Variants in CDK19 observed in about 807,000 individuals in gnomAD.
CDK19 encodes cyclin-dependent kinase 19.
CDK19 carries 20 observed loss-of-function variants against 68.3 expected under a neutral mutation model. That is an observed-to-expected ratio of 0.29 (90% confidence interval 0.21 to 0.43). CDK19 has a LOEUF of 0.43. Among genes scored for constraint, CDK19 ranks in the 20% least tolerant of loss-of-function variants. CDK19 has a pLI of 1.00. For synonymous variants in CDK19, 221 were observed against 222.8 expected (o/e 0.99, Z 0.07); for missense variants, 339 against 623.5 (o/e 0.54, Z 4.86).
chr6:110,639,378 T>A (rs1042384331), intron 4 of CDK19, among the ~76,000 whole-genome samples: 2 of 152,010 alleles, frequency 1.3e-5, no homozygotes, highest in African/African-American at 4.8e-5. Context: ...AGAGAGTGAG[T>A]CTCCTTTGTA....
At chr6:110,796,332 TCAAA>T (rs917016037) in intron 1 of CDK19, among the ~76,000 whole-genome samples, 37 of 151,818 alleles carry the variant, frequency 2.4e-4, no homozygotes, top group Admixed American at 1.6e-3. Context: ...TGAGATTCCG[TCAAA>T]CAAACAAACA....
chr6:110,794,957 G>A (rs56833108), intron 1 of CDK19, among the ~76,000 whole-genome samples: 2,953 of 152,042 alleles, frequency 0.019, 99 homozygotes, highest in African/African-American at 0.068. Flanking sequence ...AATATTCCAA[G>A]GAAAACTTGC....
At chr6:110,718,652 A>C (rs953978838) in intron 2 of CDK19, among the ~76,000 whole-genome samples, 15 of 152,104 alleles carry the variant, frequency 9.9e-5, no homozygotes, top group African/African-American at 3.4e-4. Context: ...AAAAAAAAAA[A>C]AAAACCCTTC....
At chr6:110,728,522 A>G (rs1776512919) in intron 2 of CDK19, among the ~76,000 whole-genome samples, 1 of 150,878 alleles carries the variant, frequency 6.6e-6, no homozygotes, top group Non-Finnish European at 1.5e-5. Flanking sequence ...CTCTCCCTAC[A>G]TCTTCTCCTC....
At chr6:110,740,421 G>C (rs1000081896) in intron 2 of CDK19, among the ~76,000 whole-genome samples, 1 of 152,290 alleles carries the variant, frequency 6.6e-6, no homozygotes, top group East Asian at 1.9e-4. Context: ...ATAATGTAAA[G>C]TGTAAAGCAC....
intron 4 of CDK19, among the ~76,000 whole-genome samples, chr6:110,654,634 C>G (rs1017601801): frequency 6.6e-6 from 1 of 152,192 alleles, no homozygotes; most frequent in East Asian, 1.9e-4. Context: ...CTCTGAGAGG[C>G]AAGTTCCCAA....
intron 1 of CDK19, among the ~76,000 whole-genome samples, chr6:110,803,181 G>A (rs916222977): frequency 1.1e-4 from 16 of 152,004 alleles, no homozygotes; most frequent in Non-Finnish European, 1.6e-4. Context: ...CCAGGTTCAC[G>A]CCATTCTCCT....
At chr6:110,815,853 G>A (rs905807731), upstream of CDK19, 1 of 152,446 alleles carries the variant, frequency 6.6e-6, no homozygotes, top group Non-Finnish European at 1.5e-5. Flanking sequence ...GAGGGCTGGT[G>A]AGGACAGTTG....
intron 2 of CDK19, among the ~76,000 whole-genome samples, chr6:110,718,951 T>C (rs1378603485): frequency 1.3e-5 from 2 of 152,068 alleles, no homozygotes; most frequent in African/African-American, 2.4e-5. Context: ...GGGAAAGATA[T>C]GAGGTAAAGA....
At chr6:110,779,141 CAT>C (rs1164670034) in intron 1 of CDK19, among the ~76,000 whole-genome samples, 5 of 152,150 alleles carry the variant, frequency 3.3e-5, no homozygotes, top group Non-Finnish European at 5.9e-5. Context: ...TATCTTGGCA[CAT>C]GATTCCTTAT....
intron 4 of CDK19, chr6:110,646,176 C>A: frequency 8.4e-7 from 1 of 1,191,104 alleles, no homozygotes; most frequent in South Asian, 1.4e-5. Flanking sequence ...CACCGGCCAC[C>A]AGAGCCTGTT....
chr6:110,708,222 C>A (rs998753370), intron 2 of CDK19, among the ~76,000 whole-genome samples: 1 of 152,136 alleles, frequency 6.6e-6, no homozygotes, highest in Non-Finnish European at 1.5e-5. Context: ...CCCTCATTGC[C>A]AAGGGTTCTA....
intron 2 of CDK19, among the ~76,000 whole-genome samples, chr6:110,672,850 TA>T (rs1460771991): frequency 1.3e-5 from 2 of 152,108 alleles, no homozygotes; most frequent in African/African-American, 4.8e-5. Flanking sequence ...ATAAAAATAA[TA>T]TTTCTTGTTC....
In CDK19 at chr6:110,621,424, C is replaced by CT; in HGVS notation, c.1111-55dup. ...ATGAAACCAAATTAACAGGAGCTTT[C>CT]TTTAATTATTTGATATGCACATGTG... On this transcript the variant is annotated intron_variant, in intron 11 of 12. Coordinates refer to ENST00000368911, the MANE Select transcript of CDK19 (RefSeq NM_015076.5). The surrounding 1 kb of genome is among the most constrained non-coding windows in gnomAD (Gnocchi z 5.4). 6.6e-7 allele frequency: 1 copy of CT among 1,508,606 alleles called. No homozygotes were observed. 93.5% of individuals were successfully genotyped at this position (1,508,606 alleles called of 1,614,324 possible). A position where few individuals can be genotyped will look rare whatever the true frequency, so the allele number is the denominator to read the frequency against.
chr6:110,691,145 T>C (rs1365080054), intron 2 of CDK19, among the ~76,000 whole-genome samples: 6 of 152,008 alleles, frequency 3.9e-5, no homozygotes, highest in African/African-American at 9.7e-5. Context: ...AAATCCAGGA[T>C]ATGAATGAAA....
chr6:110,721,854 C>A (rs1173654051), intron 2 of CDK19, among the ~76,000 whole-genome samples: 2 of 152,014 alleles, frequency 1.3e-5, no homozygotes, highest in African/African-American at 4.8e-5. Context: ...ATCCCAGCAA[C>A]TCGGGAGGCC....
intron 2 of CDK19, among the ~76,000 whole-genome samples, chr6:110,684,483 C>T (rs1772288344): frequency 6.6e-6 from 1 of 151,180 alleles, no homozygotes; most frequent in Non-Finnish European, 1.5e-5. Flanking sequence ...TGAAACTAAC[C>T]TAAAATTCCT....
intron 2 of CDK19, among the ~76,000 whole-genome samples, chr6:110,713,597 T>C (rs967442298): frequency 2.6e-5 from 4 of 152,172 alleles, no homozygotes; most frequent in Admixed American, 6.5e-5. Context: ...GGGTCTACTA[T>C]GTTGCCCAGG....
chr6:110,629,823 A>C (rs1298914603), intron 6 of CDK19, among the ~76,000 whole-genome samples: 1 of 152,212 alleles, frequency 6.6e-6, no homozygotes, highest in East Asian at 1.9e-4. Flanking sequence ...TCCAGAATGG[A>C]TAATTGGGAA....
Sources: gnomAD v4.1 joint callset for allele counts (sites outside exome capture counted in the v4.1 genomes callset) on GRCh38, gnomAD v4.1.1 for gene constraint, Gnocchi (gnomAD v3.1) non-coding constraint, MANE v1.5 for transcripts, NCBI Gene and HGNC (gene_info 2026-07-23, HGNC 2026-07-21) for gene names.